OR9Q1: variants seen among roughly 807,000 people sequenced by gnomAD.
OR9Q1 encodes the protein olfactory receptor family 9 subfamily Q member 1.
For synonymous variants in OR9Q1, 153 were observed against 148.6 expected, an observed-to-expected ratio of 1.03 and a Z score of -0.22; for missense variants, 374 against 378.8, an observed-to-expected ratio of 0.99 and a Z score of 0.11.
chr11:58,053,618 T>TATATAAA (rs1565062092), intron 1 of OR9Q1, among the ~76,000 whole-genome samples: 10 of 43,584 alleles, frequency 2.3e-4, no homozygotes, highest in Admixed American at 7.2e-4. Flanking sequence ...AAAAAATATA[T>TATATAAA]ATATATATAA....
intron 2 of OR9Q1, among the ~76,000 whole-genome samples, chr11:58,160,880 A>G (rs1412072935): frequency 6.6e-6 from 1 of 152,200 alleles, no homozygotes; most frequent in African/African-American, 2.4e-5. Flanking sequence ...CAGCGACTTC[A>G]TGGTCACAAG....
chr11:58,110,170 G>T (rs1853885563), intron 2 of OR9Q1, among the ~76,000 whole-genome samples: 2 of 152,104 alleles, frequency 1.3e-5, no homozygotes, highest in Admixed American at 6.6e-5. Context: ...TCTGCCTTTG[G>T]AAAATCTACT....
chr11:58,040,028 A>T (rs954556051), intron 1 of OR9Q1, among the ~76,000 whole-genome samples: 9 of 152,204 alleles, frequency 5.9e-5, no homozygotes, highest in African/African-American at 1.7e-4. Flanking sequence ...TGCTATTATT[A>T]TCCTTCTTTA....
At chr11:58,107,472 T>TG (rs1457893923) in intron 2 of OR9Q1, among the ~76,000 whole-genome samples, 5 of 152,204 alleles carry the variant, frequency 3.3e-5, no homozygotes, top group Non-Finnish European at 7.3e-5. Flanking sequence ...TAGTATTCCA[T>TG]GGTGTATATG....
At chr11:58,089,558 T>C (rs754489333) in intron 2 of OR9Q1, among the ~76,000 whole-genome samples, 2 of 151,916 alleles carry the variant, frequency 1.3e-5, no homozygotes, top group Non-Finnish European at 2.9e-5. Flanking sequence ...ACTGTAGCCT[T>C]GTAGTATAGT....
intron 2 of OR9Q1, among the ~76,000 whole-genome samples, chr11:58,090,178 A>G (rs1302728914): frequency 6.6e-6 from 1 of 152,154 alleles, no homozygotes; most frequent in Admixed American, 6.5e-5. Flanking sequence ...AACTTTCAAT[A>G]CTATGTTGAA....
intron 2 of OR9Q1, among the ~76,000 whole-genome samples, chr11:58,107,174 A>G (rs1846396108): frequency 1.3e-5 from 2 of 151,748 alleles, no homozygotes; most frequent in African/African-American, 2.4e-5. Flanking sequence ...CAGGTTTGTT[A>G]TATATGTATA....
At chr11:58,163,396 C>T (rs1854473665) in intron 2 of OR9Q1, among the ~76,000 whole-genome samples, 1 of 152,216 alleles carries the variant, frequency 6.6e-6, no homozygotes, top group South Asian at 2.1e-4. Flanking sequence ...CTGTCCCCTT[C>T]CTGGCTCCAC....
At position 58,156,348 on chromosome 11, in the gene OR9Q1, C is replaced by A. The variant is rs116811994; in HGVS notation, c.-14-23083C>A. ...AGAAGACTGCCACTCATGAGCAGAA[C>A]CATGAGACAGTGTGATCTGCTGCTA... On this transcript the variant is annotated intron_variant, in intron 2 of 2. Coordinates refer to ENST00000335397, the MANE Select transcript of OR9Q1 (RefSeq NM_001005212.4). 6.9e-3 allele frequency among the ~76,000 whole-genome samples: 1,050 copies of A among 152,252 alleles called. 10 individuals are homozygous for A. The highest frequency in any genetic ancestry group is 0.019 in the African/African-American group (772 of 41,522).
chr11:58,077,483 G>C (rs774880675), intron 2 of OR9Q1: 1 of 152,206 alleles, frequency 6.6e-6, no homozygotes, highest in African/African-American at 2.4e-5. Flanking sequence ...CTTGTCTTCT[G>C]TCAGTGATTT....
intron 2 of OR9Q1, among the ~76,000 whole-genome samples, chr11:58,073,977 T>C (rs1039352813): frequency 2.6e-5 from 4 of 152,246 alleles, no homozygotes; most frequent in African/African-American, 9.6e-5. Flanking sequence ...GCAAAGGACA[T>C]GAACTCATTC....
At chr11:58,151,856 C>T (rs937766034) in intron 2 of OR9Q1, among the ~76,000 whole-genome samples, 6 of 152,078 alleles carry the variant, frequency 3.9e-5, no homozygotes, top group African/African-American at 1.4e-4. Context: ...TCAGTCTCTC[C>T]AGTTGCTCTG....
At chr11:58,073,886 A>G (rs1853513894) in intron 2 of OR9Q1, among the ~76,000 whole-genome samples, 1 of 152,128 alleles carries the variant, frequency 6.6e-6, no homozygotes, top group African/African-American at 2.4e-5. Flanking sequence ...CCTACTTATG[A>G]GTGAGAACAT....
intron 2 of OR9Q1, among the ~76,000 whole-genome samples, chr11:58,121,062 C>T (rs1211349915): frequency 6.6e-6 from 1 of 151,982 alleles, no homozygotes; most frequent in Admixed American, 6.6e-5. Context: ...ACATGCCATA[C>T]ACAAAAAGAC....
intron 2 of OR9Q1, chr11:58,077,365 C>T (rs528973489): frequency 6.6e-6 from 1 of 152,174 alleles, no homozygotes; most frequent in African/African-American, 2.4e-5. Flanking sequence ...CTCTCAAAAA[C>T]CCAGAAGTTA....
intron 2 of OR9Q1, among the ~76,000 whole-genome samples, chr11:58,154,454 C>T (rs551700474): frequency 5.2e-4 from 77 of 149,356 alleles, no homozygotes; most frequent in African/African-American, 1.9e-3. Context: ...GTTTCCCAAT[C>T]CAACATTATT....
chr11:58,042,443 A>T (rs1590551199), intron 1 of OR9Q1, among the ~76,000 whole-genome samples: 1 of 151,836 alleles, frequency 6.6e-6, no homozygotes. Context: ...TTTGTCAAAG[A>T]TCAGATAGTT....
intron 2 of OR9Q1, among the ~76,000 whole-genome samples, chr11:58,139,486 A>G (rs1239376073): frequency 4.0e-5 from 6 of 150,670 alleles, no homozygotes; most frequent in African/African-American, 1.5e-4. Context: ...TCCTGTGTCT[A>G]TGTGTTCTCA....
At chr11:58,175,227 A>C (rs989496076) in intron 2 of OR9Q1, among the ~76,000 whole-genome samples, 12 of 152,018 alleles carry the variant, frequency 7.9e-5, no homozygotes, top group African/African-American at 2.7e-4. Context: ...CTGGGAAAAG[A>C]GAAATACAAA....
Sources: gnomAD v4.1 joint callset for allele counts (sites outside exome capture counted in the v4.1 genomes callset) on GRCh38, gnomAD v4.1.1 for gene constraint, MANE v1.5 for transcripts, NCBI Gene and HGNC (gene_info 2026-07-23, HGNC 2026-07-21) for gene names.